SCGB2B2: variants seen among roughly 807,000 people sequenced by gnomAD.
The protein encoded by SCGB2B2 is secretoglobin-like protein.
SCGB2B2 carries 11 observed loss-of-function variants against 7.6 expected under a neutral mutation model. The observed-to-expected ratio is 1.45, with a 90% CI of 0.91 to 2.40. The LOEUF (loss-of-function observed/expected upper bound fraction) is 2.40, where lower values mean the gene tolerates loss of function less well. SCGB2B2 is among the 30% of genes most tolerant of loss of function. The probability of loss-of-function intolerance (pLI) is 0.00; values close to 1 mark genes in which losing one functional copy is unlikely to be tolerated. For synonymous variants in SCGB2B2, 50 were observed against 48.6 expected (o/e 1.03, Z -0.12); for missense variants, 104 against 115.4 (o/e 0.90, Z 0.45).
At chr19:34,658,696 T>C (rs1381204469) in intron 1 of SCGB2B2, among the ~76,000 whole-genome samples, 3 of 151,782 alleles carry the variant, frequency 2.0e-5, no homozygotes, top group Non-Finnish European at 4.4e-5. Context: ...GTACCATTCC[T>C]TCTGAAACTA....
At chr19:34,653,519 AAAG>A (rs1009151918) in intron 1 of SCGB2B2, among the ~76,000 whole-genome samples, 3 of 151,156 alleles carry the variant, frequency 2.0e-5, no homozygotes, top group Non-Finnish European at 2.9e-5. Context: ...AATAAAAGCA[AAAG>A]AAGAAAAGAA....
In SCGB2B2 at chr19:34,617,134, G is replaced by T. The variant is rs542703798; in HGVS notation, c.-2031-20540C>A. Among the ~76,000 whole-genome samples, 4 of 152,256 alleles carry T rather than the reference G, an allele frequency of 2.6e-5. No homozygotes were observed. The East Asian group carries it at 7.7e-4, about 29-fold the overall frequency. On this transcript the variant is annotated intron_variant, in intron 1 of 3. Transcript: ENST00000601241. Reference sequence around the variant, plus strand: ...CAGGTAGTGTGATGCCTCCAGCTTTGTTCTTTTGGCTTAGGATTGACTTGG... The same window carrying T: ...CAGGTAGTGTGATGCCTCCAGCTTTTTTCTTTTGGCTTAGGATTGACTTGG...
intron 1 of SCGB2B2, among the ~76,000 whole-genome samples, chr19:34,629,758 GA>G (rs1386345874): frequency 6.6e-6 from 1 of 151,872 alleles, no homozygotes; most frequent in Non-Finnish European, 1.5e-5. Flanking sequence ...CACAGAATTG[GA>G]AAAAACTAAA....
At chr19:34,662,236 G>A (rs886308805) in intron 1 of SCGB2B2, among the ~76,000 whole-genome samples, 4 of 152,034 alleles carry the variant, frequency 2.6e-5, no homozygotes, top group African/African-American at 4.8e-5. Context: ...AGTGTGGCCC[G>A]TGGAAGCCAA....
At chr19:34,646,995 AC>A (rs150776616) in intron 1 of SCGB2B2, among the ~76,000 whole-genome samples, 4,185 of 150,608 alleles carry the variant, frequency 0.028, 62 homozygotes, top group Non-Finnish European at 0.038. Context: ...CCTTCTCTCT[AC>A]CCCCAGCACA....
rs562752095 is a variant in SCGB2B2 at position 34,629,606 on chromosome 19, A to G, written c.-2031-33012T>C. Among the ~76,000 whole-genome samples, 135 of 152,038 alleles carry G rather than the reference A, an allele frequency of 8.9e-4. 4 individuals are homozygous for G. Among genetic ancestry groups the G allele is most frequent in the Non-Finnish European group, 1.4e-3 (93 of 67,960 alleles). Reference sequence around the variant, plus strand: ...AAGGAGAACTACAAACCACTGCTCAATGAAATAAAAGAGGATACAAACAAA... The same window carrying G: ...AAGGAGAACTACAAACCACTGCTCAGTGAAATAAAAGAGGATACAAACAAA... On this transcript the variant is annotated intron_variant, in intron 1 of 3. Coordinates refer to ENST00000601241, the MANE Select transcript of SCGB2B2 (RefSeq NM_001025591.4).
intron 1 of SCGB2B2, chr19:34,635,002 G>A: frequency 3.5e-6 from 1 of 288,288 alleles, no homozygotes; most frequent in Non-Finnish European, 7.2e-6. Context: ...CCCACATTCA[G>A]TGCACTTATA....
intron 1 of SCGB2B2, among the ~76,000 whole-genome samples, chr19:34,621,554 GA>G (rs34423335): frequency 0.33 from 46,660 of 142,966 alleles, 8,096 homozygotes; most frequent in Middle Eastern, 0.47. Context: ...AGTCAACTGA[GA>G]AAAAAAAAAA....
In SCGB2B2 at chr19:34,594,652, C is replaced by T. The variant is rs1490958075; in HGVS notation, c.-89G>A. 5.6e-5 allele frequency: 37 copies of T among 659,406 alleles called. No individual in the cohort carries two copies. The highest frequency in any genetic ancestry group is 1.5e-4 in the South Asian group (9 of 60,574). 40.8% of individuals were successfully genotyped at this position (659,406 alleles called of 1,614,324 possible). Reference sequence around the variant, plus strand: ...TATCTGAACAAGGCACATGCCTCTTCGTGTGTGTGTGTGTGTGTGTGTGTG... The same window carrying T: ...TATCTGAACAAGGCACATGCCTCTTTGTGTGTGTGTGTGTGTGTGTGTGTG... On this transcript the variant is annotated 5_prime_UTR_variant, in exon 2 of 4. Transcript: ENST00000601241.
chr19:34,621,232 G>GT (rs1485260186), intron 1 of SCGB2B2, among the ~76,000 whole-genome samples: 16 of 152,286 alleles, frequency 1.1e-4, no homozygotes, highest in Non-Finnish European at 2.2e-4. Context: ...CCCAGCAGTT[G>GT]TAAGGTTTTT....
intron 1 of SCGB2B2, among the ~76,000 whole-genome samples, chr19:34,655,760 G>A (rs915438027): frequency 6.6e-6 from 1 of 151,300 alleles, no homozygotes; most frequent in Non-Finnish European, 1.5e-5. Context: ...AATAAGAAAA[G>A]TGAGAAACCC....
chr19:34,661,513 G>T (rs2067456699), intron 1 of SCGB2B2, among the ~76,000 whole-genome samples: 1 of 152,222 alleles, frequency 6.6e-6, no homozygotes, highest in Admixed American at 6.5e-5. Flanking sequence ...CAAGGCCAAA[G>T]TAGAAGGACT....
intron 1 of SCGB2B2, chr19:34,645,650 G>T: frequency 2.8e-6 from 1 of 351,758 alleles, no homozygotes; most frequent in South Asian, 2.7e-5. Context: ...GCTGGGACCA[G>T]ACTCCACTGT....
At chr19:34,615,489 C>G (rs2066046996) in intron 1 of SCGB2B2, among the ~76,000 whole-genome samples, 1 of 149,976 alleles carries the variant, frequency 6.7e-6, no homozygotes. Flanking sequence ...TTTCTGTGCT[C>G]ATTAGAGTTT....
At chr19:34,602,117 T>C (rs2065643090) in intron 1 of SCGB2B2, among the ~76,000 whole-genome samples, 1 of 152,174 alleles carries the variant, frequency 6.6e-6, no homozygotes, top group African/African-American at 2.4e-5. Flanking sequence ...ATATATTATT[T>C]TATTTCTGTC....
intron 1 of SCGB2B2, among the ~76,000 whole-genome samples, chr19:34,609,054 C>A (rs1372006921): frequency 1.3e-5 from 2 of 152,056 alleles, no homozygotes; most frequent in Admixed American, 6.5e-5. Flanking sequence ...TTTTGATTTG[C>A]ATTTCCCTGA....
intron 1 of SCGB2B2, among the ~76,000 whole-genome samples, chr19:34,670,484 CTA>C (rs1283975959): frequency 2.6e-5 from 4 of 152,208 alleles, no homozygotes; most frequent in Non-Finnish European, 5.9e-5. Context: ...TTGTATCTCC[CTA>C]ATAACTAATG....
intron 1 of SCGB2B2, among the ~76,000 whole-genome samples, chr19:34,598,729 G>A (rs906308155): frequency 3.3e-5 from 5 of 150,688 alleles, no homozygotes; most frequent in African/African-American, 9.7e-5. Context: ...TGACAGGTCC[G>A]TGCCCTGGCC....
chr19:34,634,883 G>C, intron 1 of SCGB2B2: 1 of 267,352 alleles, frequency 3.7e-6, no homozygotes, highest in Admixed American at 4.0e-5. Context: ...GGTGTAAAAT[G>C]AGGCTGGATC....
Sources: gnomAD v4.1 joint callset for allele counts (sites outside exome capture counted in the v4.1 genomes callset) on GRCh38, gnomAD v4.1.1 for gene constraint, MANE v1.5 for transcripts, NCBI Gene and HGNC (gene_info 2026-07-23, HGNC 2026-07-21) for gene names.